The following MAML2 variants were observed in gnomAD, a reference collection of about 807,000 sequenced individuals.
MAML2 encodes the protein mastermind like transcriptional coactivator 2, also known as mastermind-like protein 2.
MAML2 carries 22 observed loss-of-function variants against 96.1 expected under a neutral mutation model. That is an observed-to-expected ratio of 0.23 (90% confidence interval 0.16 to 0.33). The LOEUF is 0.33. Ranked by LOEUF, MAML2 falls within the 10% of genes least tolerant of loss-of-function variation. The pLI, the probability that MAML2 is intolerant of heterozygous loss-of-function variation, is 1.00. For synonymous variants in MAML2, 561 were observed against 521.3 expected (o/e 1.08, Z -1.04); for missense variants, 1,367 against 1,392.4 (o/e 0.98, Z 0.29).
At chr11:96,118,760 A>G (rs1049406016) in intron 1 of MAML2, among the ~76,000 whole-genome samples, 1 of 152,216 alleles carries the variant, frequency 6.6e-6, no homozygotes, top group Non-Finnish European at 1.5e-5. Flanking sequence ...AAGTGATGCA[A>G]AAAAATCTCC....
At chr11:96,309,696 A>ATTTTTTTT (rs36116461) in intron 1 of MAML2, among the ~76,000 whole-genome samples, 1 of 138,738 alleles carries the variant, frequency 7.2e-6, no homozygotes, top group African/African-American at 2.7e-5. Context: ...CAAAGGAACA[A>ATTTTTTTT]TTTTTTTTTT....
At chr11:96,091,722 T>C (rs34064714) in intron 2 of MAML2, among the ~76,000 whole-genome samples, 170 bp downstream of exon 2, 5,195 of 152,264 alleles carry the variant, frequency 0.034, 292 homozygotes, top group African/African-American at 0.12. Context: ...TCCTTGCCTC[T>C]AGATGCCCTC....
intron 2 of MAML2, among the ~76,000 whole-genome samples, chr11:96,039,267 G>T (rs1446930799): frequency 1.3e-5 from 2 of 150,594 alleles, no homozygotes; most frequent in African/African-American, 4.9e-5. Context: ...AAAGAGGAGA[G>T]GAGGGGAGAG....
Position 95,979,499 on chromosome 11 carries a change from T to G in MAML2, c.2920A>C (p.Lys974Gln). Residue 974 changes from lysine to glutamine, a missense_variant, in exon 5 of 5, where the codon AAA (lysine) becomes CAA (glutamine). By Grantham distance (53) the Lys-to-Gln change is moderately conservative. Transcript: ENST00000524717. Reference protein sequence around the residue: ...PNWASQEGTSKQQEALTSAGV... With the variant: ...PNWASQEGTSQQQEALTSAGV... ...GCAGACGTCAGGGCTTCTTGCTGTT[T>G]GCTTGTTCCTTCTTGAGAGGCCCAG... 4 of 1,613,764 alleles carry G rather than the reference T, an allele frequency of 2.5e-6. No individual in the cohort carries two copies. Among genetic ancestry groups the G allele is most frequent in the Non-Finnish European group, 3.4e-6 (4 of 1,179,820 alleles).
chr11:96,033,396 A>T (rs554849001), intron 2 of MAML2, among the ~76,000 whole-genome samples: 31 of 152,312 alleles, frequency 2.0e-4, no homozygotes, highest in African/African-American at 7.5e-4. Context: ...ACTTGTATCT[A>T]CCACAGTGCC....
intron 1 of MAML2, among the ~76,000 whole-genome samples, chr11:96,286,627 C>CT (rs10550785): frequency 0.055 from 7,790 of 142,604 alleles, 242 homozygotes; most frequent in Non-Finnish European, 0.073. Context: ...TTCTTTTTAT[C>CT]TTTTTTTTTT....
At chr11:96,236,064 G>C (rs1862363460) in intron 1 of MAML2, among the ~76,000 whole-genome samples, 1 of 152,212 alleles carries the variant, frequency 6.6e-6, no homozygotes, top group African/African-American at 2.4e-5. Flanking sequence ...GAAATGACAG[G>C]AGTCATCCCA....
chr11:96,112,796 C>T (rs566257789), intron 1 of MAML2, among the ~76,000 whole-genome samples: 7 of 152,284 alleles, frequency 4.6e-5, no homozygotes, highest in Admixed American at 2.0e-4. Context: ...TGACTCATTA[C>T]TTTTTGTGAT....
chr11:96,257,265 C>A (rs1417879101), intron 1 of MAML2, among the ~76,000 whole-genome samples: 1 of 152,196 alleles, frequency 6.6e-6, no homozygotes, highest in Non-Finnish European at 1.5e-5. Flanking sequence ...AAAATCACAG[C>A]TCTGGATCTG....
At chr11:96,259,336 C>T (rs1023293037) in intron 1 of MAML2, among the ~76,000 whole-genome samples, 2 of 152,068 alleles carry the variant, frequency 1.3e-5, no homozygotes. Context: ...CAGCATTTTC[C>T]CCTTGCAACC....
At chr11:96,006,767 G>T (rs1484859083) in intron 2 of MAML2, among the ~76,000 whole-genome samples, 2 of 150,762 alleles carry the variant, frequency 1.3e-5, no homozygotes, top group Non-Finnish European at 3.0e-5. Context: ...ACCATGTTGG[G>T]CAGGCTGGTT....
chr11:96,234,122 C>T (rs1481929101), intron 1 of MAML2, among the ~76,000 whole-genome samples: 2 of 152,072 alleles, frequency 1.3e-5, no homozygotes, highest in African/African-American at 4.8e-5. Context: ...GTATGTGTGC[C>T]CAAGTGAGGG....
At chr11:96,297,588 A>G (rs1048910716) in intron 1 of MAML2, among the ~76,000 whole-genome samples, 24 of 152,186 alleles carry the variant, frequency 1.6e-4, no homozygotes, top group African/African-American at 5.8e-4. Context: ...TCTCAAAAAC[A>G]AAAACAAAAA....
At chr11:96,217,507 C>G (rs879166593) in intron 1 of MAML2, among the ~76,000 whole-genome samples, 1 of 152,184 alleles carries the variant, frequency 6.6e-6, no homozygotes, top group African/African-American at 2.4e-5. Context: ...ATAATTTATT[C>G]GAGCATCTTC....
intron 2 of MAML2, among the ~76,000 whole-genome samples, chr11:96,048,801 A>C (rs968722360): frequency 1.3e-5 from 2 of 152,172 alleles, no homozygotes; most frequent in African/African-American, 4.8e-5. Flanking sequence ...TCCTTCATGC[A>C]AGTTTTAAAA....
At chr11:96,149,529 C>T (rs1326590933) in intron 1 of MAML2, among the ~76,000 whole-genome samples, 2 of 150,632 alleles carry the variant, frequency 1.3e-5, no homozygotes, top group African/African-American at 4.9e-5. Flanking sequence ...GTCAGGAGTT[C>T]AAGACCAGCC....
At chr11:96,341,239 A>C (rs1024986505) in intron 1 of MAML2, 144 bp downstream of exon 1, 31 of 926,148 alleles carry the variant, frequency 3.3e-5, no homozygotes, top group African/African-American at 3.2e-4. Flanking sequence ...AAACCACCCG[A>C]ACACACCCAA....
At chr11:96,104,574 A>G (rs1859991281) in intron 1 of MAML2, among the ~76,000 whole-genome samples, 1 of 152,210 alleles carries the variant, frequency 6.6e-6, no homozygotes, top group Admixed American at 6.5e-5. Context: ...CAAAGTAGAC[A>G]GTTGACTCAA....
chr11:95,998,592 G>A (rs1858034914), intron 2 of MAML2, among the ~76,000 whole-genome samples: 1 of 152,092 alleles, frequency 6.6e-6, no homozygotes. Context: ...GTCTTATTAG[G>A]AGGGTAACAA....
Sources: gnomAD v4.1 joint callset for allele counts (sites outside exome capture counted in the v4.1 genomes callset) on GRCh38, gnomAD v4.1.1 for gene constraint, MANE v1.5 for transcripts, NCBI Gene and HGNC (gene_info 2026-07-23, HGNC 2026-07-21) for gene names.